The following SLC4A5 variants were observed in gnomAD, a reference collection of about 807,000 sequenced individuals.
The protein encoded by SLC4A5 is solute carrier family 4 member 5, also known as electrogenic sodium bicarbonate cotransporter 4.
In SLC4A5, 96 loss-of-function variants were observed where a neutral mutation model predicts 120.4. The ratio of observed to expected loss-of-function variants is 0.80; its 90% CI spans 0.68 to 0.94. SLC4A5 has a LOEUF of 0.94. Ranked by LOEUF, SLC4A5 falls within the 40% of genes least tolerant of loss-of-function variation. The probability of loss-of-function intolerance (pLI) is 0.00; values close to 1 mark genes in which losing one functional copy is unlikely to be tolerated. For missense variants in SLC4A5, 1,259 were observed against 1,459.5 expected (o/e 0.86, Z 2.24); for synonymous variants, 550 against 571.1 (o/e 0.96, Z 0.53).
At chr2:74,302,014 T>C (rs1481532001) in intron 7 of SLC4A5, among the ~76,000 whole-genome samples, 1 of 152,216 alleles carries the variant, frequency 6.6e-6, no homozygotes, top group Non-Finnish European at 1.5e-5. Context: ...TAATTCATAA[T>C]TGGAAGATAT....
At chr2:74,333,897 T>C (rs183290791) in intron 4 of SLC4A5, 130 bp downstream of exon 4, 3 of 152,356 alleles carry the variant, frequency 2.0e-5, no homozygotes, top group Non-Finnish European at 4.4e-5. Context: ...AAATAGCAGC[T>C]TCCTACCCTG....
intron 7 of SLC4A5, among the ~76,000 whole-genome samples, chr2:74,291,434 G>T (rs1299085548): frequency 6.6e-6 from 1 of 152,174 alleles, no homozygotes; most frequent in Non-Finnish European, 1.5e-5. Context: ...GGAGCTTAGT[G>T]ATGGTCAAGT....
At chr2:74,282,706 G>A (rs1173522513) in intron 8 of SLC4A5, among the ~76,000 whole-genome samples, 2 of 152,200 alleles carry the variant, frequency 1.3e-5, no homozygotes, top group African/African-American at 4.8e-5. Flanking sequence ...GTCTCTGGGG[G>A]CCATAAGGCC....
At chr2:74,318,394 A>G (rs888941897) in intron 5 of SLC4A5, among the ~76,000 whole-genome samples, 1 of 152,220 alleles carries the variant, frequency 6.6e-6, no homozygotes, top group African/African-American at 2.4e-5. Flanking sequence ...GCTATTATTA[A>G]AAAGTCTAGG....
chr2:74,227,164 A>G (rs113170181), intron 26 of SLC4A5, 34 bp from the exon 27 acceptor site: 78,613 of 1,570,464 alleles, frequency 0.05, 5,524 homozygotes, highest in African/African-American at 0.33. Context: ...CCAGGCAGCC[A>G]GACCCCGAGG....
intron 28 of SLC4A5, 111 bp downstream of exon 28, chr2:74,224,729 C>T (rs1314730622): frequency 4.1e-6 from 6 of 1,458,502 alleles, no homozygotes; most frequent in East Asian, 2.3e-5. Context: ...TGGACTGGGC[C>T]GAGGCACTGC....
intron 30 of SLC4A5, among the ~76,000 whole-genome samples, chr2:74,219,098 CACAA>C (rs1572995330): frequency 6.6e-6 from 1 of 151,994 alleles, no homozygotes; most frequent in East Asian, 1.9e-4. Flanking sequence ...TTCTCACAAA[CACAA>C]ACACAGTCTT....
At chr2:74,277,855 T>C (rs967512700) in intron 8 of SLC4A5, among the ~76,000 whole-genome samples, 1 of 152,044 alleles carries the variant, frequency 6.6e-6, no homozygotes, top group African/African-American at 2.4e-5. Context: ...TTCACAAAGA[T>C]GTGTACTGAA....
intron 26 of SLC4A5, among the ~76,000 whole-genome samples, 180 bp from the exon 27 acceptor site, chr2:74,227,310 G>A (rs373203959): frequency 4.0e-4 from 61 of 152,298 alleles, no homozygotes; most frequent in African/African-American, 1.3e-3. Flanking sequence ...GGGTCTTAGA[G>A]AAAGGGTCCT....
At position 74,285,763 on chromosome 2, in the gene SLC4A5, C is replaced by T; in HGVS notation, c.401+10G>A. ...GAAGTGCCCACCTCCCTCGTGGGGC[C>T]CCGCCTCACCTGGCTGACTCCTTCC... is the stretch of plus-strand genomic sequence containing the variant. On this transcript the variant is annotated intron_variant, in intron 8 of 30. Transcript: ENST00000394019. 1 of 1,608,580 alleles carries T rather than the reference C, an allele frequency of 6.2e-7. No individual in the cohort carries two copies. Among genetic ancestry groups the T allele is most frequent in the Non-Finnish European group, 8.5e-7 (1 of 1,176,374 alleles).
intron 8 of SLC4A5, among the ~76,000 whole-genome samples, chr2:74,275,557 T>C (rs1487597567): frequency 6.6e-6 from 1 of 152,194 alleles, no homozygotes; most frequent in African/African-American, 2.4e-5. Context: ...CTTCCACCTC[T>C]GCTATTCTGG....
At chr2:74,279,649 C>T (rs1485497608) in intron 8 of SLC4A5, among the ~76,000 whole-genome samples, 1 of 152,114 alleles carries the variant, frequency 6.6e-6, no homozygotes, top group Non-Finnish European at 1.5e-5. Context: ...CACATGATGA[C>T]CCCTGGACAT....
chr2:74,255,884 T>TG lies in SLC4A5; in HGVS notation c.915dup (p.Asn306GlnfsTer54). 6.2e-7 allele frequency: 1 copy of TG among 1,614,200 alleles called. No homozygotes were observed. Among genetic ancestry groups the TG allele is most frequent in the Non-Finnish European group, 8.5e-7 (1 of 1,180,024 alleles). On this transcript the variant is annotated frameshift_variant, in exon 13 of 31. Transcript: ENST00000394019. LOFTEE classifies it high-confidence loss of function. The surrounding 1 kb of genome is among the most constrained non-coding windows in gnomAD (Gnocchi z 4.0). ...AAGTCCACCTCGCCCACGAGCACGTTGGACGCTTCTGAGTCCTTGGGGATC... is the reference window on the plus strand; with the variant it reads ...AAGTCCACCTCGCCCACGAGCACGTTGGGACGCTTCTGAGTCCTTGGGGATC...
exon 19 of SLC4A5, chr2:74,247,170 G>A: frequency 6.2e-7 from 1 of 1,614,218 alleles, no homozygotes; most frequent in South Asian, 1.1e-5. Context: ...GCTGATAAGG[G>A]TGGAGAAGCC....
At chr2:74,340,426 G>T (rs1008550864) in intron 2 of SLC4A5, among the ~76,000 whole-genome samples, 1 of 152,140 alleles carries the variant, frequency 6.6e-6, no homozygotes, top group Non-Finnish European at 1.5e-5. Flanking sequence ...TCATGTTACT[G>T]AGCAGCGATG....
At chr2:74,267,065 A>G (rs1671323524) in intron 8 of SLC4A5, among the ~76,000 whole-genome samples, 1 of 152,246 alleles carries the variant, frequency 6.6e-6, no homozygotes, top group African/African-American at 2.4e-5. Flanking sequence ...ATATGAAAAG[A>G]TGCTCAACCT....
chr2:74,273,710 T>C (rs1671545830), intron 8 of SLC4A5, among the ~76,000 whole-genome samples: 1 of 152,260 alleles, frequency 6.6e-6, no homozygotes, highest in Admixed American at 6.5e-5. Flanking sequence ...CATATCAGGA[T>C]ACTGAATTTC....
intron 8 of SLC4A5, among the ~76,000 whole-genome samples, chr2:74,266,549 G>A (rs537626139): frequency 6.6e-6 from 1 of 152,260 alleles, no homozygotes; most frequent in East Asian, 1.9e-4. Flanking sequence ...AATCACAGTC[G>A]TGAGCCACCA....
exon 17 of SLC4A5, chr2:74,250,465 T>C: frequency 6.2e-7 from 1 of 1,614,202 alleles, no homozygotes; most frequent in Non-Finnish European, 8.5e-7. Context: ...TAGAAGTCAC[T>C]TGGGAACCAG....
Sources: allele counts gnomAD v4.1 joint callset (sites outside exome capture counted in the v4.1 genomes callset), GRCh38; gene constraint gnomAD v4.1.1; non-coding constraint Gnocchi (gnomAD v3.1); transcripts MANE v1.5; gene names NCBI Gene and HGNC (gene_info 2026-07-23, HGNC 2026-07-21).